The following ANKRD11 variants were observed in gnomAD, a reference collection of about 807,000 sequenced individuals.
ANKRD11 encodes the protein ankyrin repeat domain 11.
Under a neutral mutation model 195.7 loss-of-function variants are expected in ANKRD11, and 17 were observed. That is an observed-to-expected ratio of 0.09 (90% CI 0.06 to 0.13). The LOEUF is 0.13. Among genes scored for constraint, ANKRD11 ranks in the 10% least tolerant of loss-of-function variants. The pLI, the probability that ANKRD11 is intolerant of heterozygous loss-of-function variation, is 1.00. For missense variants in ANKRD11, 3,735 were observed against 3,566.1 expected (o/e 1.05, Z -1.21); for synonymous variants, 1,953 against 1,528.1 (o/e 1.28, Z -6.49).
chr16:89,422,246 C>T (rs1265759538), intron 1 of ANKRD11: 2 of 152,136 alleles, frequency 1.3e-5, no homozygotes, highest in African/African-American at 4.8e-5. Context: ...CACAGAAGCT[C>T]AAGGCTGCAG....
intron 2 of ANKRD11, among the ~76,000 whole-genome samples, chr16:89,406,562 A>C (rs976667325): frequency 6.6e-6 from 1 of 152,190 alleles, no homozygotes; most frequent in African/African-American, 2.4e-5. Flanking sequence ...AGCGAGGAAG[A>C]CAGATGTGCT....
intron 11 of ANKRD11, 166 bp downstream of exon 11, chr16:89,274,648 C>G: frequency 9.4e-7 from 1 of 1,067,986 alleles, no homozygotes; most frequent in East Asian, 2.5e-5. Context: ...TGGCTCCTTT[C>G]TGAGGCTCGC....
chr16:89,333,650 A>T (rs1277108716), intron 2 of ANKRD11, among the ~76,000 whole-genome samples: 1 of 152,154 alleles, frequency 6.6e-6, no homozygotes, highest in African/African-American at 2.4e-5. Flanking sequence ...GCTTTCACTC[A>T]GGCCTGGCAG....
chr16:89,282,032 T>A lies in ANKRD11; in HGVS notation c.4510A>T (p.Thr1504Ser), dbSNP rs144684570. Reference sequence around the variant, plus strand: ...CGGGGCGGGCTGTCCTTGTCCCTGGTGGCGGGCTTCTGCTCGTCCCTGTGA... The same window carrying A: ...CGGGGCGGGCTGTCCTTGTCCCTGGAGGCGGGCTTCTGCTCGTCCCTGTGA... ...RHHRDEQKPA[T>S]RDKDSPPRVL... Residue 1504 changes from threonine (T) to serine (S), a missense_variant, in exon 9 of 13, where the codon ACC (threonine) becomes TCC (serine). Coordinates refer to ENST00000301030, the MANE Select transcript of ANKRD11 (RefSeq NM_013275.6). The A allele has an allele frequency of 9.9e-6, 16 of 1,613,456 alleles. No homozygotes were observed. Among genetic ancestry groups the A allele is most frequent in the African/African-American group, 1.3e-5 (1 of 74,922 alleles).
chr16:89,287,222 G>A, intron 7 of ANKRD11: 1 of 646,940 alleles, frequency 1.5e-6, no homozygotes, highest in Non-Finnish European at 2.3e-6. Flanking sequence ...CAGCGCAGGT[G>A]CGGCCCTCCT....
At chr16:89,384,399 T>C (rs2040799748) in intron 2 of ANKRD11, among the ~76,000 whole-genome samples, 1 of 151,908 alleles carries the variant, frequency 6.6e-6, no homozygotes, top group South Asian at 2.1e-4. Flanking sequence ...GGCGTAGTGG[T>C]GCATGGCTGT....
At chr16:89,272,267 A>T (rs1479072843) in intron 11 of ANKRD11, 1 of 152,216 alleles carries the variant, frequency 6.6e-6, no homozygotes, top group Non-Finnish European at 1.5e-5. Context: ...GGATGTGGGG[A>T]AAAGGGAACC....
Position 89,368,282 on chromosome 16 carries a change from G to A in ANKRD11, c.-60+50002C>T, listed in dbSNP as rs1469602701. On this transcript the variant is annotated intron_variant, in intron 2 of 12. Coordinates refer to ENST00000301030, the MANE Select transcript of ANKRD11 (RefSeq NM_013275.6). The stretch of plus-strand genomic sequence containing the variant: ...ACAATCTCGGCTCACTGCAACCTCC[G>A]CCTCCCAGGTTACAAGCGATTCTCC... Among the ~76,000 whole-genome samples, 5 of 146,680 alleles carry A rather than the reference G, an allele frequency of 3.4e-5. No individual in the cohort carries two copies. In the East Asian group the frequency reaches 8.1e-4, roughly 24 times the overall value.
chr16:89,323,358 C>G (rs930720615), intron 2 of ANKRD11: 75 of 1,286,904 alleles, frequency 5.8e-5, no homozygotes, highest in Middle Eastern at 4.2e-4. Context: ...CACCACTGGC[C>G]TCTCACCTCT....
intron 1 of ANKRD11, among the ~76,000 whole-genome samples, chr16:89,442,217 C>T (rs549280569): frequency 6.6e-6 from 1 of 152,330 alleles, no homozygotes; most frequent in South Asian, 2.1e-4. Context: ...CCACTGGTGC[C>T]AGTGCTTTGG....
chr16:89,423,749 G>T (rs951529621), intron 1 of ANKRD11, among the ~76,000 whole-genome samples: 6 of 152,212 alleles, frequency 3.9e-5, no homozygotes, highest in African/African-American at 1.4e-4. Flanking sequence ...CTTCGATGGT[G>T]TAAGAAAACG....
At chr16:89,380,236 C>A (rs977476926) in intron 2 of ANKRD11, among the ~76,000 whole-genome samples, 1 of 152,148 alleles carries the variant, frequency 6.6e-6, no homozygotes, top group African/African-American at 2.4e-5. Context: ...TCTCTGCCCC[C>A]CGAGTAGTTG....
At chr16:89,316,268 C>A (rs1292865401) in intron 3 of ANKRD11, among the ~76,000 whole-genome samples, 4 of 152,158 alleles carry the variant, frequency 2.6e-5, no homozygotes, top group African/African-American at 9.7e-5. Context: ...CATGGCAAAG[C>A]CTGAACTTGA....
chr16:89,418,802 TC>T (rs1412861150), intron 1 of ANKRD11, among the ~76,000 whole-genome samples: 3 of 151,524 alleles, frequency 2.0e-5, no homozygotes, highest in Non-Finnish European at 4.4e-5. Context: ...TTCACTCTTG[TC>T]CCCCAGGCTG....
At chr16:89,379,731 C>A (rs1597211463) in intron 2 of ANKRD11, among the ~76,000 whole-genome samples, 2 of 152,222 alleles carry the variant, frequency 1.3e-5, no homozygotes, top group Non-Finnish European at 2.9e-5. Context: ...TTGCGAAGAA[C>A]GTGTTGGTTC....
intron 2 of ANKRD11, among the ~76,000 whole-genome samples, chr16:89,404,111 T>C (rs998357962): frequency 2.0e-5 from 3 of 152,178 alleles, no homozygotes; most frequent in African/African-American, 4.8e-5. Flanking sequence ...CGGCACATGA[T>C]TGTGAAGAAT....
chr16:89,315,053 G>T (rs532658281), intron 3 of ANKRD11, among the ~76,000 whole-genome samples: 1 of 152,102 alleles, frequency 6.6e-6, no homozygotes, highest in African/African-American at 2.4e-5. Flanking sequence ...CACATCACCC[G>T]TGTGAACATG....
intron 3 of ANKRD11, among the ~76,000 whole-genome samples, chr16:89,314,306 A>G (rs8062916): frequency 0.15 from 22,520 of 152,174 alleles, 5,639 homozygotes; most frequent in African/African-American, 0.52. Flanking sequence ...AACTGAACCC[A>G]TAACACAGCT....
Position 89,278,864 on chromosome 16 carries a change from G to A in ANKRD11, c.7470+208C>T, listed in dbSNP as rs1346205596. On this transcript the variant is annotated intron_variant, in intron 9 of 12. Transcript: ENST00000301030. Reference sequence around the variant, plus strand: ...CGAGGCCTGGCACGGACCAGCTGGAGGAAGGACCTCGGGTCTGCAGAACAG... The same window carrying A: ...CGAGGCCTGGCACGGACCAGCTGGAAGAAGGACCTCGGGTCTGCAGAACAG... 3.6e-6 allele frequency: 3 copies of A among 839,416 alleles called. No individual in the cohort carries two copies. The South Asian group carries it at 4.3e-5, about 12-fold the overall frequency. 52.0% of individuals were successfully genotyped at this position (839,416 alleles called of 1,614,324 possible).
Sources: allele counts gnomAD v4.1 joint callset (sites outside exome capture counted in the v4.1 genomes callset), GRCh38; gene constraint gnomAD v4.1.1; transcripts MANE v1.5; gene names NCBI Gene and HGNC (gene_info 2026-07-23, HGNC 2026-07-21).